Variants in PCBP3 observed in about 807,000 individuals in gnomAD.
PCBP3 encodes poly(rC) binding protein 3, also known as poly(rC)-binding protein 3.
In PCBP3, 25 loss-of-function variants were observed where a neutral mutation model predicts 52.7. The observed-to-expected ratio is 0.47, with a 90% confidence interval of 0.35 to 0.66. The LOEUF is 0.66. PCBP3 is among the 30% of genes least tolerant of loss of function. PCBP3 has a pLI of 0.01. For synonymous variants in PCBP3, 162 were observed against 183.0 expected, an observed-to-expected ratio of 0.89 and a Z score of 0.93; for missense variants, 391 against 490.3, an observed-to-expected ratio of 0.80 and a Z score of 1.91.
rs77280839 is a variant in PCBP3 at position 45,729,494 on chromosome 21, C to T, written c.-199-5898C>T. 3.0e-3 allele frequency among the ~76,000 whole-genome samples: 456 copies of T among 152,278 alleles called. 3 individuals are homozygous for T. Among genetic ancestry groups the T allele is most frequent in the African/African-American group, 0.011 (442 of 41,558 alleles). ...CAGACTGTTTTCCACCCTAGCAGCA[C>T]CATTTTTCATTTCCACCAGCGATGT... On this transcript the variant is annotated intron_variant, in intron 2 of 17. Transcript: ENST00000681687.
At chr21:45,931,664 C>A (rs923201814) in intron 15 of PCBP3, among the ~76,000 whole-genome samples, 3 of 152,190 alleles carry the variant, frequency 2.0e-5, no homozygotes, top group Non-Finnish European at 4.4e-5. Flanking sequence ...AACACGTCGG[C>A]CATGCCGTCC....
At chr21:45,804,079 C>G (rs2092407129) in intron 4 of PCBP3, among the ~76,000 whole-genome samples, 1 of 152,178 alleles carries the variant, frequency 6.6e-6, no homozygotes, top group African/African-American at 2.4e-5. Flanking sequence ...CTGCCTGGAA[C>G]AGGAGGCCCA....
chr21:45,941,717 C>A lies in PCBP3; in HGVS notation c.*11C>A. 1 of 1,600,084 alleles carries A rather than the reference C, an allele frequency of 6.2e-7. No homozygotes were observed. Among genetic ancestry groups the A allele is most frequent in the Non-Finnish European group, 8.5e-7 (1 of 1,172,938 alleles). On this transcript the variant is annotated 3_prime_UTR_variant, in exon 18 of 18. Transcript: ENST00000681687. Reference sequence around the variant, plus strand: ...ATGGGCACGCTGTAATCCTACCCAGCACCCTTCCCCCGCGTCACCCACCTG... The same window carrying A: ...ATGGGCACGCTGTAATCCTACCCAGAACCCTTCCCCCGCGTCACCCACCTG...
At position 45,817,004 on chromosome 21, in the gene PCBP3, A is replaced by T. The variant is rs2092985547; in HGVS notation, c.-125-32957A>T. ...CAGGGTGATGGGACTTTTCAGCTCCATTCTAATTTTAAGGGACGGCTGTGG... is the reference window on the plus strand; with the variant it reads ...CAGGGTGATGGGACTTTTCAGCTCCTTTCTAATTTTAAGGGACGGCTGTGG... On this transcript the variant is annotated intron_variant, in intron 4 of 17. Transcript: ENST00000681687. The surrounding 1 kb of genome is among the most constrained non-coding windows in gnomAD (Gnocchi z 4.3). 6.6e-6 allele frequency among the ~76,000 whole-genome samples: 1 copy of T among 152,106 alleles called. No individual in the cohort carries two copies. Among genetic ancestry groups the T allele is most frequent in the East Asian group, 1.9e-4 (1 of 5,172 alleles).
chr21:45,729,215 G>T (rs1452193972), intron 2 of PCBP3, among the ~76,000 whole-genome samples: 1 of 152,066 alleles, frequency 6.6e-6, no homozygotes, highest in African/African-American at 2.4e-5. Context: ...CCGCTTGGAG[G>T]TTCATCTGTA....
At chr21:45,899,115 C>T (rs1341297578) in intron 6 of PCBP3, among the ~76,000 whole-genome samples, 1 of 152,280 alleles carries the variant, frequency 6.6e-6, no homozygotes, top group East Asian at 1.9e-4. Flanking sequence ...CTGCCTTGGG[C>T]TCGCCATCAG....
At chr21:45,798,831 T>C (rs1269502980) in intron 4 of PCBP3, among the ~76,000 whole-genome samples, 1 of 149,632 alleles carries the variant, frequency 6.7e-6, no homozygotes, top group Non-Finnish European at 1.5e-5. Context: ...CATGGATCCG[T>C]AGAGAGAGTG....
In PCBP3 at chr21:45,710,472, A is replaced by C. The variant is rs1302181257; in HGVS notation, c.-199-24920A>C. On this transcript the variant is annotated intron_variant, in intron 2 of 17. Transcript: ENST00000681687. Reference sequence around the variant, plus strand: ...TTTCCAGCTTCATCCATGTCCCTAGAAAGGACATGAACTCATCATTTTTTA... The same window carrying C: ...TTTCCAGCTTCATCCATGTCCCTAGCAAGGACATGAACTCATCATTTTTTA... Among the ~76,000 whole-genome samples, 3 of 152,144 alleles carry C rather than the reference A, an allele frequency of 2.0e-5. No homozygotes were observed. The East Asian group carries it at 5.8e-4, about 29-fold the overall frequency.
intron 2 of PCBP3, among the ~76,000 whole-genome samples, chr21:45,688,489 A>C (rs2082280831): frequency 6.6e-6 from 1 of 152,212 alleles, no homozygotes; most frequent in Admixed American, 6.5e-5. Flanking sequence ...GTTACGTAGA[A>C]GTGTACAGAT....
intron 2 of PCBP3, among the ~76,000 whole-genome samples, chr21:45,709,389 T>C (rs922846600): frequency 6.6e-6 from 1 of 152,206 alleles, no homozygotes; most frequent in African/African-American, 2.4e-5. Flanking sequence ...TGATGAAATA[T>C]TGAGTACTTC....
intron 4 of PCBP3, among the ~76,000 whole-genome samples, chr21:45,766,172 G>T (rs191265752): frequency 6.6e-6 from 1 of 152,242 alleles, no homozygotes; most frequent in Non-Finnish European, 1.5e-5. Context: ...TTAGTGAGGC[G>T]CCTGCCCTGC....
chr21:45,694,964 A>C (rs917738929), intron 2 of PCBP3, among the ~76,000 whole-genome samples: 1 of 152,240 alleles, frequency 6.6e-6, no homozygotes, highest in African/African-American at 2.4e-5. Context: ...TGTTTATTCT[A>C]AAACATATAA....
intron 4 of PCBP3, among the ~76,000 whole-genome samples, chr21:45,808,887 C>T (rs1393509424): frequency 6.6e-6 from 1 of 152,134 alleles, no homozygotes; most frequent in Non-Finnish European, 1.5e-5. Context: ...ATGTCCTTTG[C>T]AGGGACATGG....
intron 7 of PCBP3, among the ~76,000 whole-genome samples, 187 bp from the exon 8 acceptor site, chr21:45,900,404 G>A (rs1474812324): frequency 6.6e-6 from 1 of 152,186 alleles, no homozygotes; most frequent in Non-Finnish European, 1.5e-5. Flanking sequence ...CATCTGAAAT[G>A]TCTGCCAGGG....
chr21:45,900,541 C>T lies in PCBP3; in HGVS notation c.190-50C>T, dbSNP rs2096004944. ...CCCACCCACCATGGGCCGCGCCGTCCTCAGAGCCAGAGGGATACCTTTTCC... is the reference window on the plus strand; with the variant it reads ...CCCACCCACCATGGGCCGCGCCGTCTTCAGAGCCAGAGGGATACCTTTTCC... On this transcript the variant is annotated intron_variant, in intron 7 of 17. Coordinates refer to ENST00000681687, the MANE Select transcript of PCBP3 (RefSeq NM_001384156.1). 4 of 1,520,338 alleles carry T rather than the reference C, an allele frequency of 2.6e-6. No homozygotes were observed. In the African/African-American group the frequency reaches 5.5e-5, roughly 21 times the overall value. 94.2% of individuals were successfully genotyped at this position (1,520,338 alleles called of 1,614,324 possible).
intron 2 of PCBP3, among the ~76,000 whole-genome samples, chr21:45,680,845 T>C (rs2081794395): frequency 6.6e-6 from 1 of 152,118 alleles, no homozygotes; most frequent in African/African-American, 2.4e-5. Flanking sequence ...TCAAGTTAAA[T>C]ACCTTTTTCT....
chr21:45,748,597 C>T (rs1302617376), intron 3 of PCBP3, among the ~76,000 whole-genome samples: 4 of 152,228 alleles, frequency 2.6e-5, no homozygotes, highest in African/African-American at 9.6e-5. Flanking sequence ...GCCCTTGCAG[C>T]AAACCCAAGA....
chr21:45,709,241 T>C (rs529849176), intron 2 of PCBP3, among the ~76,000 whole-genome samples: 1 of 152,360 alleles, frequency 6.6e-6, no homozygotes, highest in East Asian at 1.9e-4. Flanking sequence ...AGCTGAGTAT[T>C]CACTGTAAGA....
chr21:45,784,410 CTACCG>C (rs1432862912), intron 4 of PCBP3, among the ~76,000 whole-genome samples: 11 of 134,970 alleles, frequency 8.1e-5, no homozygotes, highest in South Asian at 2.2e-4. Context: ...ACCTCTACCG[CTACCG>C]CTACCCCTAC....
Sources: gnomAD v4.1 joint callset for allele counts (sites outside exome capture counted in the v4.1 genomes callset) on GRCh38, gnomAD v4.1.1 for gene constraint, Gnocchi (gnomAD v3.1) non-coding constraint, MANE v1.5 for transcripts, NCBI Gene and HGNC (gene_info 2026-07-23, HGNC 2026-07-21) for gene names.